Variants in CHRM3 observed in about 807,000 individuals in gnomAD.
CHRM3 encodes the protein muscarinic acetylcholine receptor M3.
Under a neutral mutation model 41.8 loss-of-function variants are expected in CHRM3, and 11 were observed. The observed-to-expected ratio is 0.26, with a 90% CI of 0.17 to 0.44. The LOEUF (loss-of-function observed/expected upper bound fraction) is 0.44. Among genes scored for constraint, CHRM3 ranks in the 20% least tolerant of loss-of-function variants. The pLI is 1.00. For synonymous variants in CHRM3, 297 were observed against 301.4 expected (o/e 0.99, Z 0.15); for missense variants, 571 against 745.4 (o/e 0.77, Z 2.72).
chr1:239,846,470 A>G (rs926024883), intron 6 of CHRM3, among the ~76,000 whole-genome samples: 1 of 152,172 alleles, frequency 6.6e-6, no homozygotes, highest in African/African-American at 2.4e-5. Context: ...TAATGCACCA[A>G]TGGATAAGCC....
At chr1:239,772,888 A>G (rs1667803983) in intron 5 of CHRM3, among the ~76,000 whole-genome samples, 1 of 152,104 alleles carries the variant, frequency 6.6e-6, no homozygotes, top group Non-Finnish European at 1.5e-5. Context: ...ATTTTAATGC[A>G]TACGTGTTTC....
chr1:239,668,957 G>A (rs938401188), intron 4 of CHRM3, among the ~76,000 whole-genome samples: 3 of 152,110 alleles, frequency 2.0e-5, no homozygotes, highest in Admixed American at 2.0e-4. Flanking sequence ...TCTTTAAAGG[G>A]CATCCCTGCC....
At chr1:239,730,392 A>G (rs1663854078) in intron 5 of CHRM3, 1 of 151,998 alleles carries the variant, frequency 6.6e-6, no homozygotes, top group South Asian at 2.1e-4. Context: ...CAAGCAATGC[A>G]GCTCCTACCT....
intron 4 of CHRM3, among the ~76,000 whole-genome samples, chr1:239,662,233 T>C (rs1037138905): frequency 6.6e-6 from 1 of 151,868 alleles, no homozygotes; most frequent in African/African-American, 2.4e-5. Flanking sequence ...CTCAGCTGAT[T>C]GAAAACACTG....
In CHRM3 at chr1:239,846,790, C is replaced by T. The variant is rs115549783; in HGVS notation, c.-20+19412C>T. 7.8e-3 allele frequency among the ~76,000 whole-genome samples: 1,181 copies of T among 152,212 alleles called. 9 individuals are homozygous for T. The highest frequency in any genetic ancestry group is 0.026 in the African/African-American group (1,069 of 41,532). On this transcript the variant is annotated intron_variant, in intron 6 of 6. Coordinates refer to ENST00000676153, the MANE Select transcript of CHRM3 (RefSeq NM_001375978.1). ...ACTTCTGTGAGTTTTTATTACGTTA[C>T]TATGTGACTATAAATGGTGAATTCC...
chr1:239,588,008 A>C (rs148470473), intron 3 of CHRM3, among the ~76,000 whole-genome samples: 8 of 152,328 alleles, frequency 5.3e-5, no homozygotes, highest in African/African-American at 1.9e-4. Context: ...TAAACATTCG[A>C]TCAGACCAAT....
chr1:239,494,769 G>T (rs1377044171), intron 2 of CHRM3, among the ~76,000 whole-genome samples: 1 of 151,974 alleles, frequency 6.6e-6, no homozygotes, highest in Non-Finnish European at 1.5e-5. Context: ...TCATTGTTCA[G>T]CTCCCACTTA....
At chr1:239,657,953 G>C (rs898018652) in intron 4 of CHRM3, among the ~76,000 whole-genome samples, 1 of 151,840 alleles carries the variant, frequency 6.6e-6, no homozygotes, top group Admixed American at 6.6e-5. Flanking sequence ...CATTGTTGTA[G>C]GATTTCTGAA....
chr1:239,772,499 T>C (rs533628470), intron 5 of CHRM3, among the ~76,000 whole-genome samples: 9 of 152,266 alleles, frequency 5.9e-5, no homozygotes, highest in Admixed American at 5.9e-4. Flanking sequence ...ATTATAGTTA[T>C]CTTACAGAAA....
At chr1:239,760,905 C>T (rs569728209) in intron 5 of CHRM3, among the ~76,000 whole-genome samples, 35 of 152,284 alleles carry the variant, frequency 2.3e-4, no homozygotes, top group South Asian at 1.0e-3. Flanking sequence ...ATGCGCTTGT[C>T]GTTTCCATCA....
At chr1:239,561,722 A>G (rs771174743) in intron 3 of CHRM3, among the ~76,000 whole-genome samples, 2 of 152,078 alleles carry the variant, frequency 1.3e-5, no homozygotes, top group Non-Finnish European at 2.9e-5. Flanking sequence ...ATTGTTTATC[A>G]TATATTTCCT....
intron 1 of CHRM3, among the ~76,000 whole-genome samples, chr1:239,454,411 G>T (rs1318891853): frequency 5.3e-5 from 8 of 151,938 alleles, no homozygotes; most frequent in Admixed American, 5.2e-4. Context: ...GAGTTTCCAG[G>T]CCCTCTCCAG....
chr1:239,473,424 C>T (rs376706719), intron 1 of CHRM3, among the ~76,000 whole-genome samples: 4 of 152,162 alleles, frequency 2.6e-5, no homozygotes, highest in African/African-American at 9.6e-5. Flanking sequence ...AAAGAATAGG[C>T]ATTTCATATA....
chr1:239,401,876 C>T (rs1193442758), intron 1 of CHRM3, among the ~76,000 whole-genome samples: 1 of 152,118 alleles, frequency 6.6e-6, no homozygotes, highest in Non-Finnish European at 1.5e-5. Context: ...AGGTTGAATG[C>T]CACACCCAAA....
At chr1:239,631,932 T>C (rs538477856) in intron 3 of CHRM3, among the ~76,000 whole-genome samples, 1 of 152,322 alleles carries the variant, frequency 6.6e-6, no homozygotes, top group East Asian at 1.9e-4. Flanking sequence ...CTATCTCCCT[T>C]CCTTGCAACT....
chr1:239,453,104 C>T (rs1464019175), intron 1 of CHRM3, among the ~76,000 whole-genome samples: 7 of 152,154 alleles, frequency 4.6e-5, no homozygotes, highest in African/African-American at 7.2e-5. Flanking sequence ...CCGGCCCAGG[C>T]TTGCTTCTAA....
At chr1:239,672,599 T>C (rs1038916321) in intron 4 of CHRM3, among the ~76,000 whole-genome samples, 1 of 145,844 alleles carries the variant, frequency 6.9e-6, no homozygotes, top group Admixed American at 6.8e-5. Context: ...TTCTTCCCAC[T>C]ACACACACAC....
intron 6 of CHRM3, among the ~76,000 whole-genome samples, chr1:239,859,060 T>G (rs76111021): frequency 0.013 from 2,012 of 152,324 alleles, 54 homozygotes; most frequent in African/African-American, 0.044. Context: ...AACATTTATG[T>G]ACAAGTTTCA....
chr1:239,703,576 T>C lies in CHRM3; in HGVS notation c.-147+25288T>C, dbSNP rs564791436. ...TATACAATTGTCAGAAAACCTGTTC[T>C]CAAAGCTTTAGGGTAAAAATTGTTT... is the stretch of plus-strand genomic sequence containing the variant. On this transcript the variant is annotated intron_variant, in intron 5 of 6. Coordinates refer to ENST00000676153, the MANE Select transcript of CHRM3 (RefSeq NM_001375978.1). 3 of 152,292 alleles carry C rather than the reference T, an allele frequency of 2.0e-5. No homozygotes were observed. The East Asian group carries it at 5.8e-4, about 29-fold the overall frequency. 9.4% of individuals were successfully genotyped at this position (152,292 alleles called of 1,614,324 possible).
Sources: gnomAD v4.1 joint callset for allele counts (sites outside exome capture counted in the v4.1 genomes callset) on GRCh38, gnomAD v4.1.1 for gene constraint, MANE v1.5 for transcripts, NCBI Gene and HGNC (gene_info 2026-07-23, HGNC 2026-07-21) for gene names.